Variants in TJP2 observed in about 807,000 individuals in gnomAD.
The protein encoded by TJP2 is Friedreich ataxia region gene X104 (tight junction protein ZO-2).
In TJP2, 91 loss-of-function variants were observed where a neutral mutation model predicts 133.1. That is an observed-to-expected ratio of 0.68 (90% CI 0.58 to 0.81). The LOEUF (loss-of-function observed/expected upper bound fraction) is 0.81. TJP2 is among the 40% of genes least tolerant of loss of function. The probability of loss-of-function intolerance (pLI) is 0.00; values close to 1 mark genes in which losing one functional copy is unlikely to be tolerated. For synonymous variants in TJP2, 592 were observed against 583.4 expected (o/e 1.01, Z -0.21); for missense variants, 1,541 against 1,565.6 (o/e 0.98, Z 0.26).
At chr9:69,145,238 C>T (rs1004417140) in intron 1 of TJP2, among the ~76,000 whole-genome samples, 3 of 152,098 alleles carry the variant, frequency 2.0e-5, no homozygotes, top group Admixed American at 2.0e-4. Context: ...AAAGCACAGG[C>T]TTTTAGAGAG....
chr9:69,221,582 G>T, intron 5 of TJP2, 86 bp downstream of exon 5: 1 of 1,514,428 alleles, frequency 6.6e-7, no homozygotes, highest in Non-Finnish European at 8.9e-7. Context: ...CCCCGAAAGT[G>T]TTGCTCTGTC....
In TJP2 at chr9:69,151,835, G is replaced by T. The variant is rs981761063; in HGVS notation, c.-10+64G>T. ...GTCTCCCCCAAAATTTGTTCGAATA[G>T]TTACCGTTTTCACATTCTAGAGGTA... On this transcript the variant is annotated intron_variant, in intron 2 of 5. Transcript: ENST00000423935. The T allele has an allele frequency of 3.3e-6, 4 of 1,229,812 alleles. No homozygotes were observed. In the African/African-American group the frequency reaches 6.2e-5, roughly 19 times the overall value. The allele number at this position is 1,229,812 out of a possible 1,614,324, so 76.2% of individuals were successfully genotyped here.
At chr9:69,192,289 GA>G (rs553272202) in intron 1 of TJP2, among the ~76,000 whole-genome samples, 13 of 146,738 alleles carry the variant, frequency 8.9e-5, no homozygotes, top group South Asian at 2.2e-4. Context: ...ATCAAAAAAA[GA>G]AAAAAAAAAC....
intron 1 of TJP2, among the ~76,000 whole-genome samples, chr9:69,138,579 C>A (rs1025255068): frequency 1.3e-5 from 2 of 151,968 alleles, no homozygotes; most frequent in Admixed American, 1.3e-4. Context: ...CCAGCCTAAC[C>A]AACACGGCAA....
chr9:69,217,051 C>G (rs1372518844), intron 3 of TJP2, among the ~76,000 whole-genome samples: 1 of 148,420 alleles, frequency 6.7e-6, no homozygotes, highest in Non-Finnish European at 1.5e-5. Context: ...TGCAGTGGTG[C>G]GATCTCAGCT....
chr9:69,249,119 C>T (rs758896210), intron 19 of TJP2: 7 of 1,283,718 alleles, frequency 5.5e-6, no homozygotes, highest in Non-Finnish European at 6.9e-6. Context: ...ATTAGTGACA[C>T]AAGAGATTTT....
At chr9:69,229,357 C>G in intron 10 of TJP2, 107 bp downstream of exon 10, 1 of 1,071,542 alleles carries the variant, frequency 9.3e-7, no homozygotes, top group Non-Finnish European at 1.5e-6. Context: ...ATTTTGTACA[C>G]TGTCAGCCAC....
intron 1 of TJP2, among the ~76,000 whole-genome samples, chr9:69,189,171 A>G (rs1826047704): frequency 6.6e-6 from 1 of 152,230 alleles, no homozygotes; most frequent in Non-Finnish European, 1.5e-5. Flanking sequence ...TTTTGAAGCC[A>G]GAACATTCTG....
chr9:69,168,998 G>A (rs1824521046), intron 2 of TJP2, among the ~76,000 whole-genome samples: 1 of 151,698 alleles, frequency 6.6e-6, no homozygotes, highest in African/African-American at 2.4e-5. Context: ...GAAGATGGGT[G>A]GAGCCAGGAG....
rs769217430 is a variant in TJP2, at chr9:69,216,366, G to A, written c.142G>A (p.Val48Met). 8.1e-6 allele frequency: 13 copies of A among 1,614,108 alleles called. No homozygotes were observed. Among genetic ancestry groups the A allele is most frequent in the Admixed American group, 3.3e-5 (2 of 60,010 alleles). The stretch of plus-strand genomic sequence containing the variant: ...TTCCAAAAGAGGATTTGGAATTGCA[G>A]TGTCCGGAGGCAGAGACAACCCCCA... Reference protein sequence around the residue: ...KDSKRGFGIAVSGGRDNPHFE... With the variant: ...KDSKRGFGIAMSGGRDNPHFE... The change falls in exon 3 of 23, where the codon GTG becomes ATG. Residue 48 changes from valine (V) to methionine (M), a missense_variant. Transcript: ENST00000377245.
At chr9:69,134,234 C>T (rs1409602089) in intron 1 of TJP2, among the ~76,000 whole-genome samples, 1 of 152,112 alleles carries the variant, frequency 6.6e-6, no homozygotes, top group Admixed American at 6.5e-5. Context: ...ACTGGAACAC[C>T]CAACGTGAAA....
chr9:69,171,789 A>ATTTTTTTTTTTTTT (rs34717893), upstream of TJP2, among the ~76,000 whole-genome samples: 1 of 86,758 alleles, frequency 1.2e-5, no homozygotes. Flanking sequence ...GAGTAGAAGA[A>ATTTTTTTTTTTTTT]TTTTTTTTTT....
chr9:69,151,785 T>C, intron 2 of TJP2: 4 of 1,232,154 alleles, frequency 3.2e-6, no homozygotes, highest in Non-Finnish European at 4.0e-6. Context: ...TTTGCTTATT[T>C]AATCTCTCAT....
At chr9:69,164,969 A>T (rs1303646006) in intron 2 of TJP2, among the ~76,000 whole-genome samples, 2 of 152,148 alleles carry the variant, frequency 1.3e-5, no homozygotes, top group Non-Finnish European at 2.9e-5. Flanking sequence ...AGCTGGGATT[A>T]CAGGCGCCCA....
intron 2 of TJP2, among the ~76,000 whole-genome samples, chr9:69,214,017 A>G (rs138605638): frequency 6.6e-6 from 1 of 152,338 alleles, no homozygotes; most frequent in Non-Finnish European, 1.5e-5. Context: ...AAATTTTTAT[A>G]TAATCGAACC....
At chr9:69,149,595 C>G (rs1823374138) in intron 1 of TJP2, among the ~76,000 whole-genome samples, 1 of 151,048 alleles carries the variant, frequency 6.6e-6, no homozygotes, top group African/African-American at 2.4e-5. Context: ...ATCAGTTTGT[C>G]TAGCAAACAG....
rs540323300 is a variant in TJP2, at chr9:69,216,579, T to C, written c.239+116T>C. On this transcript the variant is annotated intron_variant, in intron 3 of 22. Coordinates refer to ENST00000377245, the MANE Select transcript of TJP2 (RefSeq NM_004817.4). ...AAAAGAAAAAAATAACAAACTTTTATATAATATTTGAAAAGTCTTCAAGCT... is the reference window on the plus strand; with the variant it reads ...AAAAGAAAAAAATAACAAACTTTTACATAATATTTGAAAAGTCTTCAAGCT... 3,043 of 1,164,850 alleles carry C rather than the reference T, an allele frequency of 2.6e-3. 4 individuals are homozygous for C. Among genetic ancestry groups the C allele is most frequent in the Middle Eastern group, 6.4e-3 (22 of 3,430 alleles). The allele number at this position is 1,164,850 out of a possible 1,614,324, so 72.2% of individuals were successfully genotyped here.
At chr9:69,154,672 C>G (rs1823651426) in intron 2 of TJP2, among the ~76,000 whole-genome samples, 1 of 150,804 alleles carries the variant, frequency 6.6e-6, no homozygotes, top group Admixed American at 6.6e-5. Flanking sequence ...CACCTATAAT[C>G]ATAGCACTTT....
In TJP2 at chr9:69,249,455, G is replaced by A. The variant is rs371617466; in HGVS notation, c.2961G>A (p.Pro987=). 182 of 1,609,332 alleles carry A rather than the reference G, an allele frequency of 1.1e-4. No individual in the cohort carries two copies. The highest frequency in any genetic ancestry group is 1.5e-4 in the Non-Finnish European group (177 of 1,177,628). ...ASSDQLRDNS[P]PPAFKPEPPK... Reference sequence around the variant, plus strand: ...GCGATCAACTTAGGGACAATAGCCCGCCCCCAGCATTCAAGCCAGAGCCGC... The same window carrying A: ...GCGATCAACTTAGGGACAATAGCCCACCCCCAGCATTCAAGCCAGAGCCGC... The change falls in exon 20 of 23, where the codon CCG becomes CCA. Residue 987 remains proline (P), a synonymous_variant. Transcript: ENST00000377245.
Sources: allele counts gnomAD v4.1 joint callset (sites outside exome capture counted in the v4.1 genomes callset), GRCh38; gene constraint gnomAD v4.1.1; transcripts MANE v1.5; gene names NCBI Gene and HGNC (gene_info 2026-07-23, HGNC 2026-07-21).